TADA2A: variants seen among roughly 807,000 people sequenced by gnomAD.
TADA2A encodes the protein transcriptional adaptor 2A.
In TADA2A, 38 loss-of-function variants were observed where a neutral mutation model predicts 67.4. The observed-to-expected ratio is 0.56, with a 90% CI of 0.44 to 0.74. The LOEUF is 0.74. TADA2A is among the 30% of genes least tolerant of loss of function. The pLI is 0.00. For missense variants in TADA2A, 454 were observed against 547.0 expected, an observed-to-expected ratio of 0.83 and a Z score of 1.70; for synonymous variants, 192 against 181.6, an observed-to-expected ratio of 1.06 and a Z score of -0.46.
intron 8 of TADA2A, among the ~76,000 whole-genome samples, chr17:37,451,454 G>C (rs1450498460): frequency 6.6e-6 from 1 of 151,408 alleles, no homozygotes; most frequent in Non-Finnish European, 1.5e-5. Flanking sequence ...AAGTAGCTGG[G>C]ACTACAGGCA....
Position 37,465,513 on chromosome 17 carries a change from A to T in TADA2A, c.795A>T (p.Glu265Asp). Reference sequence around the variant, plus strand: ...TTGCAAGAATTGTGGGGCCAGTGGAACATGACAAATTCATTGAAAGCCATG... The same window carrying T: ...TTGCAAGAATTGTGGGGCCAGTGGATCATGACAAATTCATTGAAAGCCATG... ...RRFARIVGPV[E>D]HDKFIESHAL... Residue 265 changes from glutamate to aspartate, a missense_variant, in exon 11 of 16, where the codon GAA becomes GAT. Physicochemically the swap from Glu to Asp is conservative, Grantham distance 45. Coordinates refer to ENST00000615182, the MANE Select transcript of TADA2A (RefSeq NM_001166105.3). 1 of 1,614,192 alleles carries T rather than the reference A, an allele frequency of 6.2e-7. No homozygotes were observed. The highest frequency in any genetic ancestry group is 8.5e-7 in the Non-Finnish European group (1 of 1,180,042).
At chr17:37,407,804 G>C (rs1167358739) in intron 1 of TADA2A, 1 of 152,268 alleles carries the variant, frequency 6.6e-6, no homozygotes, top group African/African-American at 2.4e-5. Flanking sequence ...GGCCAGGCTG[G>C]TCTCGAACTC....
At chr17:37,411,419 GACTT>G in intron 2 of TADA2A, 29 bp downstream of exon 2, 1 of 1,605,858 alleles carries the variant, frequency 6.2e-7, no homozygotes, top group Non-Finnish European at 8.5e-7. Flanking sequence ...AGTCTCAGGT[GACTT>G]ATTATTATTT....
intron 5 of TADA2A, 73 bp from the exon 6 acceptor site, chr17:37,440,432 A>G: frequency 2.0e-6 from 3 of 1,532,550 alleles, no homozygotes; most frequent in Non-Finnish European, 1.8e-6. Flanking sequence ...AAAATATGAA[A>G]AGAGCAAATG....
At chr17:37,442,957 G>A (rs1404819420) in intron 7 of TADA2A, among the ~76,000 whole-genome samples, 1 of 152,124 alleles carries the variant, frequency 6.6e-6, no homozygotes, top group Non-Finnish European at 1.5e-5. Context: ...GAGTCCAGGT[G>A]TTCGAGACTA....
At chr17:37,458,693 G>C in intron 9 of TADA2A, 106 bp downstream of exon 9, 1 of 949,916 alleles carries the variant, frequency 1.1e-6, no homozygotes, top group South Asian at 1.9e-5. Context: ...GTGTCTGTGA[G>C]AGAGGCAAGG....
chr17:37,475,627 G>A (rs1221579324), intron 15 of TADA2A, among the ~76,000 whole-genome samples: 1 of 151,878 alleles, frequency 6.6e-6, no homozygotes, highest in Admixed American at 6.6e-5. Flanking sequence ...CACCACACCC[G>A]GCTAATTTTT....
intron 9 of TADA2A, among the ~76,000 whole-genome samples, chr17:37,459,245 CA>C (rs1370297979): frequency 1.7e-5 from 2 of 115,206 alleles, no homozygotes; most frequent in Admixed American, 1.7e-4. Context: ...AGTATTGTTA[CA>C]CTTTTTTTTT....
chr17:37,432,925 A>ATTTTTTTTTTTTTTT (rs1046006991), intron 4 of TADA2A, among the ~76,000 whole-genome samples: 1 of 52,208 alleles, frequency 1.9e-5, no homozygotes, highest in Non-Finnish European at 3.4e-5. Flanking sequence ...TGGTATTACA[A>ATTTTTTTTTTTTTTT]TTTTTTTTTT....
intron 8 of TADA2A, among the ~76,000 whole-genome samples, chr17:37,446,113 T>C (rs1044587766): frequency 3.3e-5 from 5 of 151,480 alleles, no homozygotes; most frequent in Non-Finnish European, 7.4e-5. Flanking sequence ...GTTTTTTTTT[T>C]TTTTTTGGCA....
intron 8 of TADA2A, among the ~76,000 whole-genome samples, chr17:37,450,888 A>T (rs1471033444): frequency 1.3e-5 from 2 of 152,174 alleles, no homozygotes; most frequent in Non-Finnish European, 2.9e-5. Context: ...ATGAATTTTT[A>T]TCTGGGAGAA....
chr17:37,447,561 G>A (rs551387710), intron 8 of TADA2A, among the ~76,000 whole-genome samples: 2 of 152,260 alleles, frequency 1.3e-5, no homozygotes, highest in South Asian at 4.1e-4. Flanking sequence ...GATTTCTTGA[G>A]CCCAGGAATT....
chr17:37,452,218 T>C (rs1426224144), intron 8 of TADA2A, among the ~76,000 whole-genome samples: 3 of 151,826 alleles, frequency 2.0e-5, no homozygotes, highest in African/African-American at 7.3e-5. Flanking sequence ...CCCTGGCCAA[T>C]GTGGCAAAAC....
chr17:37,430,643 T>G (rs1404865787), intron 4 of TADA2A, among the ~76,000 whole-genome samples: 1 of 152,218 alleles, frequency 6.6e-6, no homozygotes, highest in Non-Finnish European at 1.5e-5. Flanking sequence ...TAAATGTAGA[T>G]TTCTAGACTC....
intron 2 of TADA2A, among the ~76,000 whole-genome samples, chr17:37,418,478 T>G (rs1261338929): frequency 6.6e-6 from 1 of 152,146 alleles, no homozygotes; most frequent in Non-Finnish European, 1.5e-5. Flanking sequence ...ATTAATACAA[T>G]GGAATGTTAT....
At chr17:37,458,728 G>C (rs968450221) in intron 9 of TADA2A, 141 bp downstream of exon 9, 1 of 612,380 alleles carries the variant, frequency 1.6e-6, no homozygotes, top group African/African-American at 1.9e-5. Flanking sequence ...CCAGGCTGGA[G>C]AGCAGCAGCA....
rs189630628 is a variant in TADA2A at position 37,413,513 on chromosome 17, C to G, written c.25+2123C>G. Reference sequence around the variant, plus strand: ...TCATTTGCATGTGCACTGTCTGTCTCTGTGTGTGTGTATATATATGTTTTT... The same window carrying G: ...TCATTTGCATGTGCACTGTCTGTCTGTGTGTGTGTGTATATATATGTTTTT... On this transcript the variant is annotated intron_variant, in intron 2 of 15. Coordinates refer to ENST00000615182, the MANE Select transcript of TADA2A (RefSeq NM_001166105.3). Among the ~76,000 whole-genome samples the G allele has an allele frequency of 6.9e-4, 105 of 151,966 alleles. 1 individual carries two copies. The highest frequency in any genetic ancestry group is 2.4e-3 in the Admixed American group (37 of 15,212).
At chr17:37,416,120 A>AT (rs34824290) in intron 2 of TADA2A, among the ~76,000 whole-genome samples, 81 of 139,114 alleles carry the variant, frequency 5.8e-4, no homozygotes, top group South Asian at 1.4e-3. Context: ...CTCCCTCTCA[A>AT]TTTTTTTTTT....
intron 1 of TADA2A, among the ~76,000 whole-genome samples, chr17:37,409,692 G>A (rs924062866): frequency 7.9e-5 from 12 of 151,664 alleles, no homozygotes; most frequent in African/African-American, 1.9e-4. Context: ...GCTTGAACCC[G>A]GGAGGCGGAA....
Sources: gnomAD v4.1 joint callset for allele counts (sites outside exome capture counted in the v4.1 genomes callset) on GRCh38, gnomAD v4.1.1 for gene constraint, MANE v1.5 for transcripts, NCBI Gene and HGNC (gene_info 2026-07-23, HGNC 2026-07-21) for gene names.